KLHL1: variants seen among roughly 807,000 people sequenced by gnomAD.
The protein encoded by KLHL1 is kelch-like protein 1.
In KLHL1, 47 loss-of-function variants were observed where a neutral mutation model predicts 77.7. That is an observed-to-expected ratio of 0.60 (90% CI 0.48 to 0.77). KLHL1 has a LOEUF of 0.77. KLHL1 is among the 30% of genes least tolerant of loss of function. The pLI, the probability that KLHL1 is intolerant of heterozygous loss-of-function variation, is 0.00. For missense variants in KLHL1, 925 were observed against 910.8 expected (o/e 1.02, Z -0.20); for synonymous variants, 360 against 325.2 (o/e 1.11, Z -1.15).
At chr13:69,956,307 C>T (rs1883886974) in intron 3 of KLHL1, among the ~76,000 whole-genome samples, 1 of 149,888 alleles carries the variant, frequency 6.7e-6, no homozygotes, top group African/African-American at 2.4e-5. Context: ...TTTTTCAGAC[C>T]CCATCATAAG....
chr13:69,825,565 A>G (rs1411995554), intron 6 of KLHL1, among the ~76,000 whole-genome samples: 1 of 152,154 alleles, frequency 6.6e-6, no homozygotes, highest in African/African-American at 2.4e-5. Flanking sequence ...TGATCATGCT[A>G]AAAGTCATGA....
intron 5 of KLHL1, among the ~76,000 whole-genome samples, chr13:69,855,906 T>C (rs1359489220): frequency 7.4e-6 from 1 of 135,416 alleles, no homozygotes; most frequent in African/African-American, 2.8e-5. Flanking sequence ...GTTTTATATA[T>C]ATTATATGTT....
chr13:69,782,925 T>G (rs948865788), intron 7 of KLHL1, among the ~76,000 whole-genome samples: 1 of 152,186 alleles, frequency 6.6e-6, no homozygotes, highest in Non-Finnish European at 1.5e-5. Flanking sequence ...AGGGGCAGAC[T>G]GACACCTCAC....
chr13:70,017,802 T>G (rs1321701701), intron 1 of KLHL1, among the ~76,000 whole-genome samples: 1 of 152,228 alleles, frequency 6.6e-6, no homozygotes, highest in Non-Finnish European at 1.5e-5. Flanking sequence ...TATGTAGAGC[T>G]TAAGTGAAAT....
chr13:69,776,933 G>A (rs1055664904), intron 7 of KLHL1, among the ~76,000 whole-genome samples: 6 of 151,560 alleles, frequency 4.0e-5, no homozygotes, highest in African/African-American at 1.5e-4. Flanking sequence ...AGGTTATCAG[G>A]TTAGTTTGTA....
At chr13:69,890,045 A>G (rs778033433) in intron 4 of KLHL1, among the ~76,000 whole-genome samples, 5 of 152,048 alleles carry the variant, frequency 3.3e-5, no homozygotes, top group Admixed American at 6.5e-5. Flanking sequence ...TACTGGGAAT[A>G]TATAAATTTA....
At chr13:70,101,636 C>G (rs1887926191) in intron 1 of KLHL1, among the ~76,000 whole-genome samples, 1 of 152,036 alleles carries the variant, frequency 6.6e-6, no homozygotes, top group Admixed American at 6.6e-5. Context: ...ACCATGTTGG[C>G]CAGGCTGGTC....
At position 70,005,298 on chromosome 13, in the gene KLHL1, AATTG is replaced by A. The variant is rs572726680; in HGVS notation, c.498-29500_498-29497del. ...TGCAAATATTTATCTTACCAAATTAAATTGATTAAGATTAATATATCCCTGCTGT... is the reference window on the plus strand; with the variant it reads ...TGCAAATATTTATCTTACCAAATTAAATTAAGATTAATATATCCCTGCTGT... On this transcript the variant is annotated intron_variant, in intron 1 of 10. Transcript: ENST00000377844. 2.0e-3 allele frequency among the ~76,000 whole-genome samples: 305 copies of A among 152,156 alleles called. 3 individuals carry two copies. The highest frequency in any genetic ancestry group is 9.9e-4 in the Non-Finnish European group (67 of 67,958).
chr13:70,072,503 G>T (rs1428203483), intron 1 of KLHL1, among the ~76,000 whole-genome samples: 1 of 152,034 alleles, frequency 6.6e-6, no homozygotes, highest in Admixed American at 6.6e-5. Context: ...GAAAACTACA[G>T]ATCAATATCT....
chr13:69,913,471 C>G (rs190675876), intron 4 of KLHL1, among the ~76,000 whole-genome samples: 1 of 152,200 alleles, frequency 6.6e-6, no homozygotes, highest in Non-Finnish European at 1.5e-5. Flanking sequence ...TGGCGGTGCA[C>G]GCGATGGGGA....
At chr13:69,802,612 C>T (rs1302464029) in intron 6 of KLHL1, among the ~76,000 whole-genome samples, 1 of 152,092 alleles carries the variant, frequency 6.6e-6, no homozygotes, top group African/African-American at 2.4e-5. Context: ...AGACATTGTA[C>T]AGAAAAGCAC....
chr13:69,916,794 C>T (rs569436028), intron 4 of KLHL1, among the ~76,000 whole-genome samples: 10 of 151,008 alleles, frequency 6.6e-5, no homozygotes, highest in South Asian at 6.3e-4. Flanking sequence ...GCTATATTTA[C>T]GACAGAATGA....
chr13:70,011,157 C>A (rs1885525365), intron 1 of KLHL1, among the ~76,000 whole-genome samples: 1 of 151,894 alleles, frequency 6.6e-6, no homozygotes, highest in African/African-American at 2.4e-5. Flanking sequence ...GAAAATTTGG[C>A]AAATGAAGCT....
chr13:69,792,822 C>T (rs770571055), intron 7 of KLHL1, among the ~76,000 whole-genome samples: 5 of 152,034 alleles, frequency 3.3e-5, no homozygotes, highest in Non-Finnish European at 7.4e-5. Flanking sequence ...ATGAAATATT[C>T]AGAATGAGCA....
intron 5 of KLHL1, among the ~76,000 whole-genome samples, chr13:69,845,669 A>G (rs1319158823): frequency 6.6e-6 from 1 of 151,646 alleles, no homozygotes; most frequent in African/African-American, 2.4e-5. Flanking sequence ...CTGTATTTCT[A>G]TAACTTATAC....
chr13:69,874,974 G>T (rs1440070102), intron 5 of KLHL1, among the ~76,000 whole-genome samples: 1 of 152,004 alleles, frequency 6.6e-6, no homozygotes, highest in Admixed American at 6.6e-5. Context: ...ATTGTTTTTT[G>T]TAATTTGTTT....
intron 3 of KLHL1, among the ~76,000 whole-genome samples, chr13:69,947,526 T>C (rs2210453): frequency 6.6e-6 from 1 of 151,824 alleles, no homozygotes; most frequent in African/African-American, 2.4e-5. Context: ...TTAGACAGAT[T>C]TTTTTTCAGA....
In KLHL1 at chr13:69,876,145, A is replaced by G. The variant is rs180767052; in HGVS notation, c.1227+6138T>C. 7.9e-5 allele frequency among the ~76,000 whole-genome samples: 12 copies of G among 152,302 alleles called. No individual in the cohort carries two copies. The East Asian group carries it at 1.7e-3, about 22-fold the overall frequency. On this transcript the variant is annotated intron_variant, in intron 5 of 10. Transcript: ENST00000377844. ...CTAGCCTTGGAGACACTTATCAAGGAGTAGTTTGGGGAGGTAAAATCAAAT... is the reference window on the plus strand; with the variant it reads ...CTAGCCTTGGAGACACTTATCAAGGGGTAGTTTGGGGAGGTAAAATCAAAT...
chr13:70,018,331 A>G (rs1003941954), intron 1 of KLHL1, among the ~76,000 whole-genome samples: 1 of 152,218 alleles, frequency 6.6e-6, no homozygotes, highest in Non-Finnish European at 1.5e-5. Flanking sequence ...ATAAAGTGGC[A>G]AAGCTGAGAC....
Sources: gnomAD v4.1 joint callset for allele counts (sites outside exome capture counted in the v4.1 genomes callset) on GRCh38, gnomAD v4.1.1 for gene constraint, MANE v1.5 for transcripts, NCBI Gene and HGNC (gene_info 2026-07-23, HGNC 2026-07-21) for gene names.